The following USH2A variants were observed in gnomAD, a reference collection of about 807,000 sequenced individuals.
USH2A encodes the protein usherin.
Under a neutral mutation model 538.9 loss-of-function variants are expected in USH2A, and 443 were observed. That is an observed-to-expected ratio of 0.82 (90% CI 0.76 to 0.89). USH2A has a LOEUF of 0.89. USH2A is among the 40% of genes least tolerant of loss of function. The probability of loss-of-function intolerance (pLI) is 0.00; values close to 1 mark genes in which losing one functional copy is unlikely to be tolerated. For synonymous variants in USH2A, 2,413 were observed against 2,273.5 expected (o/e 1.06, Z -1.75); for missense variants, 6,633 against 6,324.8 (o/e 1.05, Z -1.65).
rs921644613 is a variant in USH2A, at chr1:216,131,377, C to T, written c.4628-34164G>A. ...GCTTCTGAGCTCTTGGTCATGAAAT[C>T]CTTGCCTAAACCAATGCCTAGAAGG... On this transcript the variant is annotated intron_variant, in intron 21 of 71. Transcript: ENST00000307340. Among the ~76,000 whole-genome samples, 5 of 152,104 alleles carry T rather than the reference C, an allele frequency of 3.3e-5. No individual in the cohort carries two copies. The South Asian group carries it at 8.3e-4, about 25-fold the overall frequency.
At chr1:216,394,773 C>T (rs1256260066) in intron 3 of USH2A, among the ~76,000 whole-genome samples, 2 of 134,526 alleles carry the variant, frequency 1.5e-5, no homozygotes, top group Non-Finnish European at 3.1e-5. Context: ...GGCTGGAGTG[C>T]AGTGGCGCGA....
intron 38 of USH2A, among the ~76,000 whole-genome samples, chr1:215,912,499 A>ATATATATG (rs879730781): frequency 0.22 from 8,862 of 40,746 alleles, 584 homozygotes; most frequent in Non-Finnish European, 0.3. Flanking sequence ...ATGTGTATAT[A>ATATATATG]TATATATATA....
intron 47 of USH2A, among the ~76,000 whole-genome samples, chr1:215,821,041 A>G (rs905156921): frequency 6.6e-6 from 1 of 151,952 alleles, no homozygotes; most frequent in East Asian, 1.9e-4. Context: ...ACAGCACTGC[A>G]ATAAACATGG....
At chr1:215,830,648 A>C (rs527474772) in intron 47 of USH2A, among the ~76,000 whole-genome samples, 3 of 152,316 alleles carry the variant, frequency 2.0e-5, no homozygotes, top group East Asian at 3.9e-4. Context: ...TAATTTTATG[A>C]ATGAACGAAC....
intron 15 of USH2A, among the ~76,000 whole-genome samples, chr1:216,215,452 A>G (rs1275294434): frequency 6.6e-6 from 1 of 152,076 alleles, no homozygotes; most frequent in Admixed American, 6.6e-5. Context: ...ACCATGTGAA[A>G]ATCAAGCTGG....
intron 35 of USH2A, among the ~76,000 whole-genome samples, chr1:215,986,079 T>C (rs577784218): frequency 3.0e-4 from 46 of 152,232 alleles, no homozygotes; most frequent in Admixed American, 2.9e-3. Context: ...AAGAAGATGC[T>C]AGACCATGTC....
In USH2A at chr1:215,638,069, T is replaced by C. The variant is rs560211766; in HGVS notation, c.15052+1086A>G. On this transcript the variant is annotated intron_variant, in intron 69 of 71. Transcript: ENST00000307340. ...ACCCGATATCAACAGTCAATCATAATCTTTTATGGAGAATAAAAGACACTT... is the reference window on the plus strand; with the variant it reads ...ACCCGATATCAACAGTCAATCATAACCTTTTATGGAGAATAAAAGACACTT... Among the ~76,000 whole-genome samples, 920 of 152,338 alleles carry C rather than the reference T, an allele frequency of 6.0e-3. 22 individuals carry two copies. In the South Asian group the frequency reaches 0.071, roughly 12 times the overall value.
At chr1:216,187,160 T>C (rs1294513149) in intron 20 of USH2A, among the ~76,000 whole-genome samples, 1 of 151,932 alleles carries the variant, frequency 6.6e-6, no homozygotes, top group East Asian at 1.9e-4. Context: ...AGGTATCTAC[T>C]CAGTCTCCCA....
At chr1:215,934,900 T>G in intron 37 of USH2A, 105 bp from the exon 38 acceptor site, 1 of 1,086,574 alleles carries the variant, frequency 9.2e-7, no homozygotes. Flanking sequence ...ACCAAATAGG[T>G]CTGTAACTTT....
intron 32 of USH2A, among the ~76,000 whole-genome samples, chr1:216,025,666 C>T (rs995934709): frequency 6.6e-6 from 1 of 151,974 alleles, no homozygotes; most frequent in African/African-American, 2.4e-5. Context: ...TGTTGGAGTT[C>T]AGTTTACAGT....
intron 37 of USH2A, among the ~76,000 whole-genome samples, chr1:215,946,891 A>G (rs1666772182): frequency 2.0e-5 from 3 of 152,238 alleles, no homozygotes; most frequent in Non-Finnish European, 4.4e-5. Flanking sequence ...AATATATCTG[A>G]TAAAAAATCT....
intron 61 of USH2A, among the ~76,000 whole-genome samples, chr1:215,700,925 G>T (rs1658992888): frequency 1.3e-5 from 2 of 152,122 alleles, no homozygotes; most frequent in Non-Finnish European, 2.9e-5. Context: ...GATCTTTCCT[G>T]CTTTCTCTTG....
intron 21 of USH2A, among the ~76,000 whole-genome samples, chr1:216,173,189 C>T (rs1220037394): frequency 6.6e-6 from 1 of 152,106 alleles, no homozygotes; most frequent in Admixed American, 6.6e-5. Flanking sequence ...GTTTTGAAAA[C>T]CTGTCCTAGC....
intron 30 of USH2A, among the ~76,000 whole-genome samples, chr1:216,049,945 G>T (rs1424963628): frequency 6.6e-6 from 1 of 152,142 alleles, no homozygotes; most frequent in Non-Finnish European, 1.5e-5. Context: ...AAGACAGCAA[G>T]CCAACGAACT....
At chr1:215,877,969 T>C in intron 42 of USH2A, 89 bp from the exon 43 acceptor site, 1 of 1,549,592 alleles carries the variant, frequency 6.5e-7, no homozygotes, top group Non-Finnish European at 8.9e-7. Context: ...CATGTGCGTG[T>C]GATATATGCG....
chr1:215,729,011 G>T (rs1215043064), intron 60 of USH2A, among the ~76,000 whole-genome samples: 1 of 152,118 alleles, frequency 6.6e-6, no homozygotes, highest in Non-Finnish European at 1.5e-5. Flanking sequence ...CAATGTGTTT[G>T]TCTTCCTGTA....
At chr1:215,639,348 C>A in intron 68 of USH2A, 110 bp from the exon 69 acceptor site, 1 of 1,003,972 alleles carries the variant, frequency 1.0e-6, no homozygotes, top group Non-Finnish European at 1.6e-6. Context: ...GATTCCAAAG[C>A]AAGTTATGAC....
chr1:216,169,651 A>T (rs975066103), intron 21 of USH2A, among the ~76,000 whole-genome samples: 1 of 152,144 alleles, frequency 6.6e-6, no homozygotes, highest in Non-Finnish European at 1.5e-5. Context: ...CCTCAGTCCA[A>T]ACTGATTAAC....
chr1:215,679,029 G>C (rs955157352), intron 62 of USH2A, among the ~76,000 whole-genome samples: 7 of 152,166 alleles, frequency 4.6e-5, no homozygotes, highest in Non-Finnish European at 7.4e-5. Context: ...GAATCCTAAG[G>C]CTCAAGCCTC....
Sources: gnomAD v4.1 joint callset for allele counts (sites outside exome capture counted in the v4.1 genomes callset) on GRCh38, gnomAD v4.1.1 for gene constraint, MANE v1.5 for transcripts, NCBI Gene and HGNC (gene_info 2026-07-23, HGNC 2026-07-21) for gene names.